The following SPATA6 variants were observed in gnomAD, a reference collection of about 807,000 sequenced individuals.
SPATA6 encodes the protein spermatogenesis-associated protein 6.
In SPATA6, 56 loss-of-function variants were observed where a neutral mutation model predicts 65.3. The ratio of observed to expected loss-of-function variants is 0.86; its 90% CI spans 0.69 to 1.07. The LOEUF (loss-of-function observed/expected upper bound fraction) is 1.07. Among genes scored for constraint, SPATA6 ranks in the 50% least tolerant of loss-of-function variants. SPATA6 has a pLI of 0.00. For missense variants in SPATA6, 590 were observed against 594.8 expected, an observed-to-expected ratio of 0.99 and a Z score of 0.08; for synonymous variants, 199 against 213.2, an observed-to-expected ratio of 0.93 and a Z score of 0.58.
intron 3 of SPATA6, among the ~76,000 whole-genome samples, chr1:48,421,712 C>T (rs757819506): frequency 2.0e-5 from 3 of 152,008 alleles, no homozygotes; most frequent in Non-Finnish European, 4.4e-5. Flanking sequence ...GGTGAAGAAT[C>T]TTACTCTCAA....
chr1:48,444,950 A>G (rs1655874997), intron 3 of SPATA6, among the ~76,000 whole-genome samples: 1 of 152,214 alleles, frequency 6.6e-6, no homozygotes, highest in African/African-American at 2.4e-5. Context: ...TCCCCTTGAC[A>G]ATCTGGAGCA....
At chr1:48,315,324 A>G (rs1433790080) in intron 11 of SPATA6, among the ~76,000 whole-genome samples, 1 of 152,212 alleles carries the variant, frequency 6.6e-6, no homozygotes. Context: ...CCAGCAACAC[A>G]TCAAAAACTT....
At chr1:48,314,012 C>T (rs1024509858) in intron 11 of SPATA6, among the ~76,000 whole-genome samples, 2 of 152,094 alleles carry the variant, frequency 1.3e-5, no homozygotes, top group African/African-American at 4.8e-5. Context: ...ACATATGCAC[C>T]CAATACAGGA....
the SPATA6 span, among the ~76,000 whole-genome samples, chr1:48,282,086 G>A: frequency 6.6e-6 from 1 of 152,140 alleles, no homozygotes; most frequent in Non-Finnish European, 1.5e-5. Context: ...AATGGGGAAA[G>A]GATTCCCTAT....
intron 3 of SPATA6, among the ~76,000 whole-genome samples, chr1:48,415,570 A>C (rs926262643): frequency 1.3e-5 from 2 of 152,162 alleles, no homozygotes; most frequent in African/African-American, 4.8e-5. Flanking sequence ...GACATGGCTG[A>C]AGAAAGAATC....
chr1:48,451,678 C>A, intron 2 of SPATA6, 78 bp from the exon 3 acceptor site: 1 of 1,374,350 alleles, frequency 7.3e-7, no homozygotes, highest in Non-Finnish European at 1.0e-6. Flanking sequence ...AAATATCATT[C>A]CTTTCACAAT....
chr1:48,459,204 CA>C (rs35079974), intron 1 of SPATA6, among the ~76,000 whole-genome samples: 366 of 66,396 alleles, frequency 5.5e-3, no homozygotes, highest in Admixed American at 0.014. Flanking sequence ...GACTCCATAT[CA>C]AAAAAAAAAA....
chr1:48,283,697 A>AAAAAGAAAGAAAGAAAGAAAG, the SPATA6 span, among the ~76,000 whole-genome samples: 5 of 12,012 alleles, frequency 4.2e-4, no homozygotes, highest in African/African-American at 5.5e-4. Context: ...AAAAAAAAAA[A>AAAAAGAAAGAAAGAAAGAAAG]AAAGAAAGAA....
intron 11 of SPATA6, among the ~76,000 whole-genome samples, chr1:48,341,856 T>A (rs1162603770): frequency 6.6e-6 from 1 of 152,196 alleles, no homozygotes; most frequent in African/African-American, 2.4e-5. Context: ...GATGGAAACA[T>A]GTTCTAACTG....
rs753476127 is a variant in SPATA6, at chr1:48,305,804, G to A, written c.1269C>T (p.Asp423=). The change falls in exon 12 of 13, where the codon GAC becomes GAT. Residue 423 remains aspartate, a synonymous_variant. Transcript: ENST00000371847. The part of the protein sequence containing the change: ...RSLLCRDSAY[D]SDPEYSSCQQ... Reference sequence around the variant, plus strand: ...ATTCATACCTATACTCGGGGTCACTGTCATAGGCAGAGTCTCTACATAAAA... The same window carrying A: ...ATTCATACCTATACTCGGGGTCACTATCATAGGCAGAGTCTCTACATAAAA... The A allele has an allele frequency of 4.3e-6, 7 of 1,611,580 alleles. No homozygotes were observed. Among genetic ancestry groups the A allele is most frequent in the Non-Finnish European group, 5.9e-6 (7 of 1,178,376 alleles).
intron 1 of SPATA6, among the ~76,000 whole-genome samples, chr1:48,456,549 G>C (rs1471320773): frequency 6.6e-6 from 1 of 151,880 alleles, no homozygotes; most frequent in African/African-American, 2.4e-5. Flanking sequence ...AAGCCCAGAA[G>C]TTGGGCTTAC....
the SPATA6 span, among the ~76,000 whole-genome samples, chr1:48,281,523 A>G: frequency 6.6e-6 from 1 of 152,202 alleles, no homozygotes; most frequent in Non-Finnish European, 1.5e-5. Flanking sequence ...AATCACAAGT[A>G]TTCTTATACA....
At chr1:48,333,973 C>CAAT (rs1645988163) in intron 11 of SPATA6, among the ~76,000 whole-genome samples, 1 of 151,930 alleles carries the variant, frequency 6.6e-6, no homozygotes, top group Non-Finnish European at 1.5e-5. Context: ...ATAGAAATAC[C>CAAT]AATAACCATC....
chr1:48,428,773 A>ATGTGTGTG (rs1308795485), intron 3 of SPATA6, among the ~76,000 whole-genome samples: 3 of 63,214 alleles, frequency 4.7e-5, no homozygotes, highest in East Asian at 3.8e-4. Flanking sequence ...ATAGGTGTAT[A>ATGTGTGTG]TATGTGTGTG....
chr1:48,288,347 G>C, the SPATA6 span, among the ~76,000 whole-genome samples: 4 of 152,186 alleles, frequency 2.6e-5, no homozygotes, highest in African/African-American at 9.7e-5. Flanking sequence ...ATTATTGAAA[G>C]TTTAAGAAGC....
At chr1:48,288,212 T>C in the SPATA6 span, among the ~76,000 whole-genome samples, 1 of 152,244 alleles carries the variant, frequency 6.6e-6, no homozygotes, top group Non-Finnish European at 1.5e-5. Flanking sequence ...ACTGTTTTAT[T>C]GAGGACTTCC....
chr1:48,331,778 C>T (rs893821494), intron 11 of SPATA6, among the ~76,000 whole-genome samples: 1 of 152,180 alleles, frequency 6.6e-6, no homozygotes, highest in Non-Finnish European at 1.5e-5. Flanking sequence ...TCATCTGACA[C>T]TCCAAGGTTG....
At chr1:48,278,073 G>T in the SPATA6 span, among the ~76,000 whole-genome samples, 5 of 152,172 alleles carry the variant, frequency 3.3e-5, no homozygotes, top group Non-Finnish European at 7.3e-5. Context: ...GGCAAACAGC[G>T]TCTGGAGTGG....
chr1:48,452,855 G>T, intron 2 of SPATA6, 139 bp downstream of exon 2: 2 of 1,036,634 alleles, frequency 1.9e-6, no homozygotes, highest in Non-Finnish European at 2.6e-6. Context: ...AAGCTTCCAG[G>T]CTTAGGTTAC....
Sources: gnomAD v4.1 joint callset for allele counts (sites outside exome capture counted in the v4.1 genomes callset) on GRCh38, gnomAD v4.1.1 for gene constraint, MANE v1.5 for transcripts, NCBI Gene and HGNC (gene_info 2026-07-23, HGNC 2026-07-21) for gene names.